FAF1: variants seen among roughly 807,000 people sequenced by gnomAD.
FAF1 encodes the protein Fas associated factor 1.
FAF1 carries 25 observed loss-of-function variants against 92.5 expected under a neutral mutation model. The observed-to-expected ratio is 0.27, with a 90% CI of 0.20 to 0.38. The LOEUF is 0.38. Among genes scored for constraint, FAF1 ranks in the 10% least tolerant of loss-of-function variants. The probability of loss-of-function intolerance (pLI) is 1.00; values close to 1 mark genes in which losing one functional copy is unlikely to be tolerated. For missense variants in FAF1, 636 were observed against 793.3 expected, an observed-to-expected ratio of 0.80 and a Z score of 2.38; for synonymous variants, 234 against 273.2, an observed-to-expected ratio of 0.86 and a Z score of 1.42.
At chr1:50,584,939 G>A in intron 9 of FAF1, 128 bp from the exon 10 acceptor site, 1 of 836,424 alleles carries the variant, frequency 1.2e-6, no homozygotes, top group Non-Finnish European at 1.8e-6. Flanking sequence ...ATTTGCTAGA[G>A]TAAAGCTTAC....
At chr1:50,624,173 A>G (rs932964333) in intron 8 of FAF1, among the ~76,000 whole-genome samples, 1 of 151,946 alleles carries the variant, frequency 6.6e-6, no homozygotes, top group African/African-American at 2.4e-5. Flanking sequence ...TTTCAGATGC[A>G]GTCTATCTCT....
chr1:50,684,551 G>C (rs1026766664), intron 7 of FAF1, among the ~76,000 whole-genome samples: 1 of 152,054 alleles, frequency 6.6e-6, no homozygotes, highest in Admixed American at 6.6e-5. Flanking sequence ...TGATATACCG[G>C]TAAATGGCTC....
In FAF1 at chr1:50,591,790, T is replaced by C. The variant is rs190935009; in HGVS notation, c.840+4331A>G. On this transcript the variant is annotated intron_variant, in intron 9 of 18. Coordinates refer to ENST00000396153, the MANE Select transcript of FAF1 (RefSeq NM_007051.3). Reference sequence around the variant, plus strand: ...TCTTATCTTCCTTTTCCCCCGACTTTCTTCTGCACTAACAGCAACCTACAC... The same window carrying C: ...TCTTATCTTCCTTTTCCCCCGACTTCCTTCTGCACTAACAGCAACCTACAC... Among the ~76,000 whole-genome samples, 367 of 152,218 alleles carry C rather than the reference T, an allele frequency of 2.4e-3. 2 individuals are homozygous for C. Among genetic ancestry groups the C allele is most frequent in the Non-Finnish European group, 4.4e-3 (302 of 68,000 alleles).
intron 7 of FAF1, among the ~76,000 whole-genome samples, chr1:50,658,264 T>G (rs1557460259): frequency 6.6e-6 from 1 of 152,088 alleles, no homozygotes; most frequent in Non-Finnish European, 1.5e-5. Flanking sequence ...CATTATGTTA[T>G]CTAGATATAA....
intron 1 of FAF1, among the ~76,000 whole-genome samples, chr1:50,929,071 CAAAAAAA>C (rs59078269): frequency 1.4e-4 from 5 of 36,856 alleles, no homozygotes; most frequent in Admixed American, 9.9e-4. Flanking sequence ...GACACTGTCT[CAAAAAAA>C]AAAAAAAAAA....
intron 1 of FAF1, among the ~76,000 whole-genome samples, chr1:50,876,448 A>C (rs955500964): frequency 2.0e-5 from 3 of 152,242 alleles, no homozygotes; most frequent in Admixed American, 2.0e-4. Flanking sequence ...GTAGTGCCAG[A>C]ATGCAAGTAA....
At chr1:50,670,609 T>G (rs1010119885) in intron 7 of FAF1, among the ~76,000 whole-genome samples, 6 of 152,220 alleles carry the variant, frequency 3.9e-5, no homozygotes, top group African/African-American at 1.4e-4. Context: ...TATACTTTTA[T>G]TATTTTTAAT....
At chr1:50,841,629 A>C (rs1345081318) in intron 2 of FAF1, among the ~76,000 whole-genome samples, 1 of 152,032 alleles carries the variant, frequency 6.6e-6, no homozygotes, top group African/African-American at 2.4e-5. Context: ...ATAAAGGCCT[A>C]GGCCTTTGAC....
intron 8 of FAF1, among the ~76,000 whole-genome samples, chr1:50,615,301 G>A (rs1320620229): frequency 6.6e-6 from 1 of 152,152 alleles, no homozygotes; most frequent in Non-Finnish European, 1.5e-5. Context: ...GTCCACCTAG[G>A]TTGATTCCAT....
At chr1:50,672,018 T>A (rs1569729235) in intron 7 of FAF1, among the ~76,000 whole-genome samples, 1 of 110,946 alleles carries the variant, frequency 9.0e-6, no homozygotes, top group Non-Finnish European at 1.9e-5. Flanking sequence ...GGGTGGTCTT[T>A]CTTTTTTTTT....
chr1:50,707,415 T>G (rs538977971), intron 6 of FAF1, among the ~76,000 whole-genome samples: 1 of 152,224 alleles, frequency 6.6e-6, no homozygotes, highest in East Asian at 1.9e-4. Context: ...TTAAGCATAA[T>G]GGGCTGGGTG....
At chr1:50,826,375 A>G (rs772776490) in intron 2 of FAF1, among the ~76,000 whole-genome samples, 8 of 151,850 alleles carry the variant, frequency 5.3e-5, no homozygotes, top group Non-Finnish European at 1.0e-4. Context: ...ACATGGTGAA[A>G]CCCCGTCTCT....
intron 7 of FAF1, among the ~76,000 whole-genome samples, chr1:50,697,144 T>C (rs1286439829): frequency 2.6e-5 from 4 of 152,182 alleles, no homozygotes; most frequent in Admixed American, 2.0e-4. Context: ...TGTCCACTTT[T>C]CAAGATTTCC....
chr1:50,585,791 C>T (rs12140440), intron 9 of FAF1, among the ~76,000 whole-genome samples: 13,885 of 141,598 alleles, frequency 0.098, 812 homozygotes, highest in African/African-American at 0.18. Flanking sequence ...CCTAATATAA[C>T]ATAAATATTT....
At chr1:50,637,708 T>TGTGTGC (rs1654118277) in intron 8 of FAF1, among the ~76,000 whole-genome samples, 1 of 150,978 alleles carries the variant, frequency 6.6e-6, no homozygotes, top group African/African-American at 2.4e-5. Context: ...TGTGTGTGTG[T>TGTGTGC]GTGTGCGTGT....
intron 1 of FAF1, among the ~76,000 whole-genome samples, chr1:50,911,444 C>G (rs1644884760): frequency 6.6e-6 from 1 of 151,486 alleles, no homozygotes; most frequent in Non-Finnish European, 1.5e-5. Context: ...ACCTGTGATC[C>G]CAGCACTCTG....
At chr1:50,890,278 T>C (rs1557577034) in intron 1 of FAF1, among the ~76,000 whole-genome samples, 1 of 152,220 alleles carries the variant, frequency 6.6e-6, no homozygotes, top group Non-Finnish European at 1.5e-5. Context: ...ATGGGTTTCC[T>C]GAATACAGCA....
At chr1:50,662,728 C>T (rs11205755) in intron 7 of FAF1, among the ~76,000 whole-genome samples, 4,462 of 116,970 alleles carry the variant, frequency 0.038, 319 homozygotes, top group African/African-American at 0.13. Flanking sequence ...CGGAGTCTCC[C>T]TCTGTCGCGC....
intron 8 of FAF1, among the ~76,000 whole-genome samples, chr1:50,611,925 T>C (rs939040656): frequency 6.6e-6 from 1 of 152,122 alleles, no homozygotes; most frequent in Non-Finnish European, 1.5e-5. Flanking sequence ...CAGAAAGTGT[T>C]AAACACATGA....
Sources: gnomAD v4.1 joint callset for allele counts (sites outside exome capture counted in the v4.1 genomes callset) on GRCh38, gnomAD v4.1.1 for gene constraint, MANE v1.5 for transcripts, NCBI Gene and HGNC (gene_info 2026-07-23, HGNC 2026-07-21) for gene names.